FAM107B: variants seen among roughly 807,000 people sequenced by gnomAD.
FAM107B encodes family with sequence similarity 107 member B.
FAM107B carries 21 observed loss-of-function variants against 31.5 expected under a neutral mutation model. The observed-to-expected ratio is 0.67, with a 90% CI of 0.47 to 0.96. The LOEUF is 0.96. Ranked by LOEUF, FAM107B falls within the 40% of genes least tolerant of loss-of-function variation. The probability of loss-of-function intolerance (pLI) is 0.00; values close to 1 mark genes in which losing one functional copy is unlikely to be tolerated. For synonymous variants in FAM107B, 157 were observed against 141.5 expected (o/e 1.11, Z -0.78); for missense variants, 452 against 377.1 (o/e 1.20, Z -1.64).
intron 1 of FAM107B, among the ~76,000 whole-genome samples, chr10:14,675,150 T>C (rs1854651511): frequency 6.6e-6 from 1 of 152,120 alleles, no homozygotes; most frequent in African/African-American, 2.4e-5. Flanking sequence ...TTGTGTTTGG[T>C]GCATTAAGTG....
rs151236833 is a variant in FAM107B at position 14,774,260 on chromosome 10, G to A, written c.404C>T (p.Thr135Met). 9.0e-5 allele frequency: 144 copies of A among 1,608,162 alleles called. No homozygotes were observed. The highest frequency in any genetic ancestry group is 2.8e-4 in the Admixed American group (17 of 59,776). The change falls in exon 1 of 5, where the codon ACG becomes ATG. Residue 135 changes from threonine (T) to methionine (M), a missense_variant. By Grantham distance (81) the Thr-to-Met change is moderately conservative. Coordinates refer to ENST00000181796, the MANE Select transcript of FAM107B (RefSeq NM_031453.4). Reference protein sequence around the residue: ...ASIPRPSIIDTPKEEEFREEP... With the variant: ...ASIPRPSIIDMPKEEEFREEP... ...GAGCGAACACTCACTCACCTTGGGC[G>A]TGTCAATAATTGATGGTCTGGGGAT...
At position 14,615,873 on chromosome 10, in the gene FAM107B, G is replaced by A. The variant is rs550030785; in HGVS notation, c.469+51761C>T. On this transcript the variant is annotated intron_variant, in intron 2 of 4. Coordinates refer to ENST00000181796, the MANE Select transcript of FAM107B (RefSeq NM_031453.4). Reference sequence around the variant, plus strand: ...ACTTTGAAGGCAGGCAGGAATCAATGTTTTAATCTTTTTTAGTGCCTAGCA... The same window carrying A: ...ACTTTGAAGGCAGGCAGGAATCAATATTTTAATCTTTTTTAGTGCCTAGCA... Among the ~76,000 whole-genome samples, 15 of 152,248 alleles carry A rather than the reference G, an allele frequency of 9.9e-5. No individual in the cohort carries two copies. In the East Asian group the frequency reaches 2.9e-3, roughly 29 times the overall value.
At position 14,723,579 on chromosome 10, in the gene FAM107B, T is replaced by C. The variant is rs539246636; in HGVS notation, c.411+50674A>G. The C allele has an allele frequency of 1.8e-5, 12 of 666,338 alleles. No individual in the cohort carries two copies. The African/African-American group carries it at 1.9e-4, about 11-fold the overall frequency. The allele number at this position is 666,338 out of a possible 1,614,324, so 41.3% of individuals were successfully genotyped here. A position where few individuals can be genotyped will look rare whatever the true frequency, so the allele number is the denominator to read the frequency against. On this transcript the variant is annotated intron_variant, in intron 1 of 4. Coordinates refer to ENST00000181796, the MANE Select transcript of FAM107B (RefSeq NM_031453.4). ...CTCCCTTACTGTTGCATGGAAAGGC[T>C]ATGTCCACATAGAACAGAGGGGAAT...
chr10:14,591,881 C>A (rs1194683443), intron 2 of FAM107B, among the ~76,000 whole-genome samples: 1 of 151,994 alleles, frequency 6.6e-6, no homozygotes, highest in Non-Finnish European at 1.5e-5. Flanking sequence ...GCACCCAAAT[C>A]CAGAATGTGG....
chr10:14,585,609 G>A (rs1014300266), intron 2 of FAM107B, among the ~76,000 whole-genome samples: 3 of 152,166 alleles, frequency 2.0e-5, no homozygotes, highest in South Asian at 2.1e-4. Flanking sequence ...CAAAACAGAC[G>A]GCCATCTAAA....
chr10:14,519,159 T>A lies in FAM107B; in HGVS notation c.*2031A>T, dbSNP rs1039630124. The A allele has an allele frequency of 2.0e-5, 3 of 146,436 alleles. No individual in the cohort carries two copies. The highest frequency in any genetic ancestry group is 7.4e-5 in the African/African-American group (3 of 40,306). 9.1% of individuals were successfully genotyped at this position (146,436 alleles called of 1,614,324 possible). On this transcript the variant is annotated 3_prime_UTR_variant, in exon 5 of 5. Transcript: ENST00000181796. ...GGAAAGAAATGCTTTCTTAAGTAAC[T>A]TTTTTTTTTTTCAGTGAAGAATGAA...
intron 1 of FAM107B, among the ~76,000 whole-genome samples, chr10:14,728,521 A>C (rs1222465706): frequency 3.3e-5 from 5 of 152,104 alleles, no homozygotes. Flanking sequence ...AGCAGGGGTA[A>C]TTTTTGTGGG....
chr10:14,701,537 G>T (rs1452965119), intron 1 of FAM107B, among the ~76,000 whole-genome samples: 4 of 152,088 alleles, frequency 2.6e-5, no homozygotes, highest in South Asian at 2.1e-4. Context: ...GAGCCACCAT[G>T]CCTGGCCAAA....
At chr10:14,706,977 T>C (rs1260365028) in intron 1 of FAM107B, among the ~76,000 whole-genome samples, 1 of 151,430 alleles carries the variant, frequency 6.6e-6, no homozygotes, top group African/African-American at 2.4e-5. Context: ...ATAGAAAAAT[T>C]AGCAGAGTGT....
intron 1 of FAM107B, among the ~76,000 whole-genome samples, chr10:14,681,875 G>A (rs929987699): frequency 2.0e-5 from 3 of 152,198 alleles, no homozygotes; most frequent in Non-Finnish European, 2.9e-5. Context: ...CAACGGAGAG[G>A]CATTGGTAAT....
In FAM107B at chr10:14,521,234, G is replaced by T; in HGVS notation, c.877C>A (p.Leu293Ile). 6.2e-7 allele frequency: 1 copy of T among 1,614,170 alleles called. No individual in the cohort carries two copies. The highest frequency in any genetic ancestry group is 8.5e-7 in the Non-Finnish European group (1 of 1,180,012). Residue 293 changes from leucine to isoleucine, a missense_variant, in exon 5 of 5, where the codon CTC becomes ATC. By Grantham distance (5) the Leu-to-Ile change is conservative (BLOSUM62 2). Coordinates refer to ENST00000181796, the MANE Select transcript of FAM107B (RefSeq NM_031453.4). Reference protein sequence around the residue: ...APEFVKVKGNLRRTGQEVAQA... With the variant: ...APEFVKVKGNIRRTGQEVAQA... ...GCGACTTCTTGGCCTGTTCTCCTGA[G>T]ATTGCCTTTCACCTTCACAAACTCG...
intron 4 of FAM107B, 78 bp from the exon 5 acceptor site, chr10:14,521,384 C>T: frequency 1.7e-6 from 2 of 1,193,878 alleles, no homozygotes; most frequent in Non-Finnish European, 2.4e-6. Context: ...TTTTCAAAGT[C>T]CCTGACAACT....
chr10:14,618,751 C>T (rs541669645), intron 2 of FAM107B, among the ~76,000 whole-genome samples: 6 of 152,054 alleles, frequency 3.9e-5, no homozygotes, highest in Middle Eastern at 3.4e-3. Flanking sequence ...GCAGGAGAGT[C>T]GCTTGAACCC....
At position 14,518,698 on chromosome 10, in the gene FAM107B, A is replaced by C. The variant is rs1218095422; in HGVS notation, c.*2492T>G. 2 of 152,678 alleles carry C rather than the reference A, an allele frequency of 1.3e-5. No homozygotes were observed. The highest frequency in any genetic ancestry group is 4.8e-5 in the African/African-American group (2 of 41,458). The allele number at this position is 152,678 out of a possible 1,614,324, so 9.5% of individuals were successfully genotyped here. A position where few individuals can be genotyped will look rare whatever the true frequency, so the allele number is the denominator to read the frequency against. On this transcript the variant is annotated 3_prime_UTR_variant, in exon 5 of 5. Transcript: ENST00000181796. ...AATATTAAATTATGAAAACCAATCC[A>C]TTAAGGCTCCCTTTATATATATTAT...
In FAM107B at chr10:14,746,131, C is replaced by CAG. The variant is rs1832723079; in HGVS notation, c.411+28121_411+28122insCT. Among the ~76,000 whole-genome samples, 4 of 152,022 alleles carry CAG rather than the reference C, an allele frequency of 2.6e-5. No homozygotes were observed. The South Asian group carries it at 8.3e-4, about 32-fold the overall frequency. On this transcript the variant is annotated intron_variant, in intron 1 of 4. Coordinates refer to ENST00000181796, the MANE Select transcript of FAM107B (RefSeq NM_031453.4). ...ACTAGAATTGCAACCCTGCTTTTTT[C>CAG]TGGTTGTCATTTGCTTGATAAATTT...
chr10:14,526,364 T>C (rs985586391), intron 3 of FAM107B, among the ~76,000 whole-genome samples: 3 of 152,142 alleles, frequency 2.0e-5, no homozygotes, highest in Non-Finnish European at 4.4e-5. Flanking sequence ...TTAGTAGAGA[T>C]GGGGTTGCGC....
chr10:14,589,219 T>TAAAA (rs1309731536), intron 2 of FAM107B, among the ~76,000 whole-genome samples: 2 of 151,434 alleles, frequency 1.3e-5, no homozygotes, highest in East Asian at 1.9e-4. Flanking sequence ...GGTGACTTTT[T>TAAAA]AAAAGAATGG....
At chr10:14,625,040 C>G (rs1853121085) in intron 2 of FAM107B, among the ~76,000 whole-genome samples, 1 of 152,024 alleles carries the variant, frequency 6.6e-6, no homozygotes, top group African/African-American at 2.4e-5. Context: ...GCCTGGCCAA[C>G]ATGGTGAAAT....
At chr10:14,602,693 T>C (rs1852438613) in intron 2 of FAM107B, 1 of 152,208 alleles carries the variant, frequency 6.6e-6, no homozygotes, top group Non-Finnish European at 1.5e-5. Flanking sequence ...GCTTAAAGAT[T>C]TCATTTAAAG....
Sources: allele counts gnomAD v4.1 joint callset (sites outside exome capture counted in the v4.1 genomes callset), GRCh38; gene constraint gnomAD v4.1.1; transcripts MANE v1.5; gene names NCBI Gene and HGNC (gene_info 2026-07-23, HGNC 2026-07-21).